Variants in ST7 observed in about 807,000 individuals in gnomAD.
The protein encoded by ST7 is suppression of tumorigenicity 7, also known as suppressor of tumorigenicity 7 protein.
Under a neutral mutation model 78.7 loss-of-function variants are expected in ST7, and 28 were observed. The observed-to-expected ratio is 0.36, with a 90% CI of 0.26 to 0.49. The LOEUF is 0.49. Among genes scored for constraint, ST7 ranks in the 20% least tolerant of loss-of-function variants. The probability of loss-of-function intolerance (pLI) is 0.99; values close to 1 mark genes in which losing one functional copy is unlikely to be tolerated. For missense variants in ST7, 418 were observed against 696.0 expected (o/e 0.60, Z 4.49); for synonymous variants, 247 against 249.6 (o/e 0.99, Z 0.10).
At chr7:117,136,357 C>A in intron 8 of ST7, 122 bp downstream of exon 8, 1 of 1,246,650 alleles carries the variant, frequency 8.0e-7, no homozygotes, top group Non-Finnish European at 1.1e-6. Context: ...TTGGCTTTTG[C>A]TTTGTTTTTA....
intron 10 of ST7, among the ~76,000 whole-genome samples, chr7:117,184,483 C>T (rs557800544): frequency 6.6e-6 from 1 of 152,280 alleles, no homozygotes; most frequent in South Asian, 2.1e-4. Flanking sequence ...TTCTTATTGC[C>T]ACCATTTCAA....
intron 1 of ST7, among the ~76,000 whole-genome samples, chr7:116,979,713 A>C (rs1325112358): frequency 1.3e-5 from 2 of 151,902 alleles, no homozygotes; most frequent in African/African-American, 2.4e-5. Flanking sequence ...ATCTCTCCTA[A>C]TCTATCCTAT....
intron 13 of ST7, among the ~76,000 whole-genome samples, chr7:117,214,227 C>T (rs1436865457): frequency 1.3e-5 from 2 of 152,074 alleles, no homozygotes; most frequent in African/African-American, 2.4e-5. Context: ...ATCACTTAGC[C>T]TTTCTTTGTT....
intron 1 of ST7, among the ~76,000 whole-genome samples, chr7:116,984,314 T>C (rs867864811): frequency 2.6e-5 from 4 of 152,214 alleles, no homozygotes; most frequent in Admixed American, 6.5e-5. Flanking sequence ...AATTACCTAG[T>C]TTCAGGTATT....
chr7:117,075,657 A>G (rs1799289031), intron 1 of ST7, among the ~76,000 whole-genome samples: 1 of 152,206 alleles, frequency 6.6e-6, no homozygotes, highest in African/African-American at 2.4e-5. Flanking sequence ...GAGCTGGAGA[A>G]GAACATACAT....
Position 117,219,989 on chromosome 7 carries a change from T to G in ST7, c.1498+813T>G, listed in dbSNP as rs1792968533. 1.3e-5 allele frequency among the ~76,000 whole-genome samples: 2 copies of G among 152,340 alleles called. No homozygotes were observed. Among genetic ancestry groups the G allele is most frequent in the South Asian group, 4.2e-4 (2 of 4,818 alleles). ...TTAGGATATATTTTTCTCCCTCAGA[T>G]AATAAGCTCCAAATTTTAGCTCTTC... On this transcript the variant is annotated intron_variant, in intron 14 of 15. Coordinates refer to ENST00000323984, the MANE Select transcript of ST7 (RefSeq NM_001369598.1). This position sits in a 1 kb window ranked among gnomAD's most constrained non-coding sequence, Gnocchi z 5.1.
At chr7:117,020,555 T>C (rs1795842993) in intron 1 of ST7, 2 of 1,544,962 alleles carry the variant, frequency 1.3e-6, no homozygotes, top group Admixed American at 4.0e-5. Context: ...TCTTTCTTTT[T>C]TTTTTCCCTT....
intron 14 of ST7, among the ~76,000 whole-genome samples, chr7:117,220,871 C>T (rs1177567018): frequency 6.6e-6 from 1 of 152,166 alleles, no homozygotes; most frequent in Non-Finnish European, 1.5e-5. Context: ...CTCCTGGATT[C>T]CCTCCACCCT....
At chr7:117,088,240 T>C (rs1170731042) in intron 1 of ST7, among the ~76,000 whole-genome samples, 3 of 152,200 alleles carry the variant, frequency 2.0e-5, no homozygotes, top group Admixed American at 2.0e-4. Flanking sequence ...CTAGATTTTA[T>C]CTGTACTTCT....
At chr7:117,210,173 G>A (rs1348000985) in intron 13 of ST7, among the ~76,000 whole-genome samples, 1 of 152,196 alleles carries the variant, frequency 6.6e-6, no homozygotes, top group Non-Finnish European at 1.5e-5. Flanking sequence ...TAGATGGGGT[G>A]AACCCAGATG....
At chr7:117,131,800 A>G (rs1804380474) in intron 5 of ST7, 85 bp from the exon 6 acceptor site, 3 of 1,186,800 alleles carry the variant, frequency 2.5e-6, no homozygotes, top group Admixed American at 4.0e-5. Context: ...TTAAGCTGAC[A>G]CTCCTAATTT....
chr7:116,959,005 A>C (rs1362394721), intron 1 of ST7: 2 of 354,008 alleles, frequency 5.6e-6, no homozygotes, highest in East Asian at 1.5e-4. Context: ...TTTCCTTTCC[A>C]GAGAAAGATT....
intron 1 of ST7, among the ~76,000 whole-genome samples, chr7:117,083,774 A>C (rs920688156): frequency 6.6e-6 from 1 of 152,190 alleles, no homozygotes; most frequent in Non-Finnish European, 1.5e-5. Context: ...AAAAGTAAGC[A>C]TTCATGTTTG....
In ST7 at chr7:117,119,704, T is replaced by C. The variant is rs369043424; in HGVS notation, c.378T>C (p.Asn126=). Residue 126 remains asparagine (N), a synonymous_variant, in exon 3 of 16, where the codon AAT becomes AAC. Transcript: ENST00000323984. The part of the protein sequence containing the change: ...SNSSNGDSDS[N]RQSVSECKVW... ...CCAGTAACGGGGACTCAGATTCCAA[T>C]AGGCAAAGTGTCTCAGGTATGGAAT... is the stretch of plus-strand genomic sequence containing the variant. 2 of 1,612,800 alleles carry C rather than the reference T, an allele frequency of 1.2e-6. No homozygotes were observed. The highest frequency in any genetic ancestry group is 2.7e-5 in the African/African-American group (2 of 75,000).
intron 9 of ST7, among the ~76,000 whole-genome samples, chr7:117,162,407 C>T (rs1242143977): frequency 6.6e-6 from 1 of 151,780 alleles, no homozygotes; most frequent in Non-Finnish European, 1.5e-5. Context: ...CTTTTTTCTG[C>T]TGAATAGCAT....
At chr7:117,019,712 T>G (rs1402617795) in intron 1 of ST7, among the ~76,000 whole-genome samples, 1 of 152,234 alleles carries the variant, frequency 6.6e-6, no homozygotes, top group Admixed American at 6.5e-5. Context: ...AGATTACTAT[T>G]TTACTGTTAC....
chr7:117,046,608 T>C (rs1232562054), intron 1 of ST7, among the ~76,000 whole-genome samples: 1 of 152,156 alleles, frequency 6.6e-6, no homozygotes, highest in East Asian at 1.9e-4. Context: ...TTTCTTCTAT[T>C]CTTCTTTGTT....
chr7:117,101,522 G>C (rs754156221), intron 2 of ST7, among the ~76,000 whole-genome samples: 1 of 152,174 alleles, frequency 6.6e-6, no homozygotes, highest in Non-Finnish European at 1.5e-5. Flanking sequence ...AGTGAACTTA[G>C]GAGCAACCAA....
At chr7:116,972,726 C>T in intron 1 of ST7, 1 of 928,494 alleles carries the variant, frequency 1.1e-6, no homozygotes, top group Non-Finnish European at 1.8e-6. Context: ...CACAGTCCAG[C>T]TTCTCATGAA....
Sources: allele counts gnomAD v4.1 joint callset (sites outside exome capture counted in the v4.1 genomes callset), GRCh38; gene constraint gnomAD v4.1.1; non-coding constraint Gnocchi (gnomAD v3.1); transcripts MANE v1.5; gene names NCBI Gene and HGNC (gene_info 2026-07-23, HGNC 2026-07-21).